Variants in XPO7 observed in about 807,000 individuals in gnomAD.
XPO7 encodes exportin-7.
A neutral mutation model predicts 144.3 loss-of-function variants in XPO7; 21 were observed. The observed-to-expected ratio is 0.15, with a 90% CI of 0.10 to 0.21. The LOEUF is 0.21. Among genes scored for constraint, XPO7 ranks in the 10% least tolerant of loss-of-function variants. The pLI, the probability that XPO7 is intolerant of heterozygous loss-of-function variation, is 1.00. For missense variants in XPO7, 808 were observed against 1,325.8 expected, an observed-to-expected ratio of 0.61 and a Z score of 6.06; for synonymous variants, 580 against 499.6, an observed-to-expected ratio of 1.16 and a Z score of -2.15.
At chr8:21,927,229 AAAATT>A (rs923841519) in intron 1 of XPO7, among the ~76,000 whole-genome samples, 8 of 152,178 alleles carry the variant, frequency 5.3e-5, no homozygotes, top group African/African-American at 9.7e-5. Context: ...TCTTTTAAAA[AAAATT>A]AATTAATTAA....
intron 1 of XPO7, among the ~76,000 whole-genome samples, chr8:21,930,903 C>T (rs1019711160): frequency 5.9e-5 from 9 of 152,148 alleles, no homozygotes; most frequent in African/African-American, 1.9e-4. Flanking sequence ...TTGCGATCTC[C>T]GATCTCAGCT....
chr8:21,957,585 G>C (rs1406907771), intron 1 of XPO7, among the ~76,000 whole-genome samples: 2 of 152,068 alleles, frequency 1.3e-5, no homozygotes, highest in South Asian at 2.1e-4. Flanking sequence ...GTTTTGTTTT[G>C]AATACCTTTA....
At position 21,999,398 on chromosome 8, in the gene XPO7, T is replaced by C. The variant is rs916688687; in HGVS notation, c.2643+93T>C. 7 of 1,575,618 alleles carry C rather than the reference T, an allele frequency of 4.4e-6. No individual in the cohort carries two copies. The African/African-American group carries it at 9.5e-5, about 21-fold the overall frequency. On this transcript the variant is annotated intron_variant, in intron 23 of 27. Coordinates refer to ENST00000252512, the MANE Select transcript of XPO7 (RefSeq NM_015024.5). ...AGATTGAACACTGCTCTTGAGAAACTATGTAAGCTAGCTCCTTTTGCTCTA... is the reference window on the plus strand; with the variant it reads ...AGATTGAACACTGCTCTTGAGAAACCATGTAAGCTAGCTCCTTTTGCTCTA...
rs1812526872 is a variant in XPO7 at position 21,984,842 on chromosome 8, G to A, written c.1471+3G>A. On this transcript the variant is annotated splice_donor_region_variant and intron_variant, in intron 12 of 27. Transcript: ENST00000252512. ...AATGGACATTGCAGTGCAGGAGGGT[G>A]AGTGTGCAGCGTGCTGGGAACTCTA... 1 of 1,613,360 alleles carries A rather than the reference G, an allele frequency of 6.2e-7. No homozygotes were observed. The highest frequency in any genetic ancestry group is 8.5e-7 in the Non-Finnish European group (1 of 1,179,808).
At chr8:21,971,668 G>T (rs1345176590) in intron 4 of XPO7, among the ~76,000 whole-genome samples, 1 of 152,072 alleles carries the variant, frequency 6.6e-6, no homozygotes, top group Non-Finnish European at 1.5e-5. Context: ...AAATTTTGAT[G>T]AAGTCAGATT....
intron 1 of XPO7, among the ~76,000 whole-genome samples, chr8:21,950,111 A>G (rs974483038): frequency 2.0e-5 from 3 of 152,144 alleles, no homozygotes; most frequent in African/African-American, 7.2e-5. Context: ...TTGACTGACC[A>G]CTGTTGGTCA....
intron 1 of XPO7, among the ~76,000 whole-genome samples, chr8:21,929,478 C>T (rs2127206): frequency 0.58 from 87,572 of 152,064 alleles, 25,719 homozygotes; most frequent in African/African-American, 0.69. Context: ...CAAGTGTTAA[C>T]TTATCATCTG....
chr8:21,959,367 T>C (rs916593270), intron 1 of XPO7, among the ~76,000 whole-genome samples: 48 of 152,210 alleles, frequency 3.2e-4, no homozygotes, highest in Admixed American at 1.2e-3. Context: ...TCATTGACTT[T>C]TACAACCTTG....
chr8:21,944,587 A>G (rs1025736477), intron 1 of XPO7, among the ~76,000 whole-genome samples: 3 of 152,152 alleles, frequency 2.0e-5, no homozygotes, highest in Non-Finnish European at 2.9e-5. Flanking sequence ...ATAAAATAAA[A>G]TTTAAAAATA....
intron 1 of XPO7, among the ~76,000 whole-genome samples, chr8:21,960,908 A>G (rs1811706179): frequency 1.3e-5 from 2 of 152,248 alleles, no homozygotes; most frequent in African/African-American, 4.8e-5. Flanking sequence ...ATAAGTAACT[A>G]GAGAATTTGG....
At chr8:21,990,659 G>T in intron 17 of XPO7, 152 bp from the exon 18 acceptor site, 1 of 785,956 alleles carries the variant, frequency 1.3e-6, no homozygotes, top group Non-Finnish European at 2.0e-6. Context: ...GACAACGGTA[G>T]CCTGCCTTCA....
chr8:21,940,358 G>A (rs1282966484), intron 1 of XPO7, among the ~76,000 whole-genome samples: 3 of 152,128 alleles, frequency 2.0e-5, no homozygotes, highest in Non-Finnish European at 4.4e-5. Flanking sequence ...AACTGAAAAA[G>A]AAATGATAGA....
chr8:21,947,209 AAC>A (rs1585430617), intron 1 of XPO7, among the ~76,000 whole-genome samples: 1 of 152,238 alleles, frequency 6.6e-6, no homozygotes, highest in African/African-American at 2.4e-5. Flanking sequence ...GTAACAGCGT[AAC>A]ACAGGATACA....
intron 1 of XPO7, among the ~76,000 whole-genome samples, chr8:21,926,206 C>T (rs1049701468): frequency 3.9e-5 from 6 of 152,056 alleles, no homozygotes; most frequent in Admixed American, 2.0e-4. Context: ...TGAAAACAAG[C>T]AGATTATTAA....
At chr8:21,955,724 C>CT (rs71544845) in intron 1 of XPO7, among the ~76,000 whole-genome samples, 2,059 of 102,622 alleles carry the variant, frequency 0.02, 67 homozygotes, top group African/African-American at 0.031. Context: ...CTGTGCTTAC[C>CT]TTTTTTTTTT....
intron 1 of XPO7, among the ~76,000 whole-genome samples, chr8:21,930,448 GACGTA>G (rs1029429399): frequency 3.9e-5 from 6 of 152,176 alleles, no homozygotes; most frequent in African/African-American, 1.4e-4. Context: ...TAGAACATAA[GACGTA>G]AGGGTCAGTC....
intron 1 of XPO7, among the ~76,000 whole-genome samples, chr8:21,948,023 T>A (rs1811248266): frequency 6.6e-6 from 1 of 152,212 alleles, no homozygotes; most frequent in Admixed American, 6.5e-5. Context: ...GACCAGAGGA[T>A]TCTCATTGAA....
In XPO7 at chr8:21,995,504, T is replaced by C; in HGVS notation, c.2250T>C (p.Tyr750=). The change falls in exon 21 of 28, where the codon TAT becomes TAC. Residue 750 remains tyrosine, a synonymous_variant. Transcript: ENST00000252512. ...TTCTCATTTACAGATATCCATCCTA[T>C]ATGCCAATTCTCCAACGGGCAATTG... ...MMLFEWIYPS[Y]MPILQRAIEL... 1 of 1,607,926 alleles carries C rather than the reference T, an allele frequency of 6.2e-7. No homozygotes were observed. The highest frequency in any genetic ancestry group is 1.3e-5 in the African/African-American group (1 of 75,010).
chr8:21,935,255 G>A (rs1305343170), intron 1 of XPO7, among the ~76,000 whole-genome samples: 1 of 152,170 alleles, frequency 6.6e-6, no homozygotes, highest in Non-Finnish European at 1.5e-5. Context: ...AGATGTTTGT[G>A]GCAGGAAGTT....
Sources: gnomAD v4.1 joint callset for allele counts (sites outside exome capture counted in the v4.1 genomes callset) on GRCh38, gnomAD v4.1.1 for gene constraint, MANE v1.5 for transcripts, NCBI Gene and HGNC (gene_info 2026-07-23, HGNC 2026-07-21) for gene names.